ARNT2: variants seen among roughly 807,000 people sequenced by gnomAD.
The protein encoded by ARNT2 is aryl hydrocarbon receptor nuclear translocator 2.
In ARNT2, 36 loss-of-function variants were observed where a neutral mutation model predicts 91.7. The observed-to-expected ratio is 0.39, with a 90% CI of 0.30 to 0.52. The LOEUF is 0.52. Ranked by LOEUF, ARNT2 falls within the 20% of genes least tolerant of loss-of-function variation. The pLI is 0.72. For synonymous variants in ARNT2, 365 were observed against 347.1 expected (o/e 1.05, Z -0.57); for missense variants, 775 against 939.3 (o/e 0.83, Z 2.29).
intron 17 of ARNT2, among the ~76,000 whole-genome samples, chr15:80,586,840 CAA>C (rs10679933): frequency 2.0e-4 from 23 of 113,010 alleles, no homozygotes; most frequent in Middle Eastern, 5.0e-3. Context: ...GACTCCATTT[CAA>C]AAAAAAAAAA....
chr15:80,445,892 C>A (rs11631556), intron 1 of ARNT2, among the ~76,000 whole-genome samples: 53,119 of 151,936 alleles, frequency 0.35, 9,997 homozygotes, highest in East Asian at 0.56. Context: ...TCTGCCCCCT[C>A]TGCCCCTCTG....
intron 1 of ARNT2, among the ~76,000 whole-genome samples, chr15:80,431,081 C>A (rs182918895): frequency 6.6e-6 from 1 of 152,146 alleles, no homozygotes; most frequent in African/African-American, 2.4e-5. Context: ...CAATGGACAC[C>A]GCTCAGGTAC....
chr15:80,591,509 G>A lies in ARNT2; in HGVS notation c.1919-59G>A. 1.9e-6 allele frequency: 3 copies of A among 1,602,668 alleles called. No individual in the cohort carries two copies. The highest frequency in any genetic ancestry group is 2.6e-6 in the Non-Finnish European group (3 of 1,171,202). On this transcript the variant is annotated intron_variant, in intron 17 of 18. Coordinates refer to ENST00000303329, the MANE Select transcript of ARNT2 (RefSeq NM_014862.4). The surrounding 1 kb of genome is among the most constrained non-coding windows in gnomAD (Gnocchi z 5.1). ...GCCCTCCAGCCGCAGTGGTTCTTAG[G>A]TCTCACAGAACCACGGGATGGCTTT...
chr15:80,510,187 A>C (rs149481265), intron 6 of ARNT2, among the ~76,000 whole-genome samples: 53 of 152,256 alleles, frequency 3.5e-4, no homozygotes, highest in African/African-American at 1.3e-3. Flanking sequence ...AAAAGAGAGA[A>C]GTCAAAGGTT....
intron 1 of ARNT2, among the ~76,000 whole-genome samples, chr15:80,424,780 A>AG (rs1382677138): frequency 2.6e-5 from 4 of 151,380 alleles, no homozygotes; most frequent in African/African-American, 7.3e-5. Context: ...CAGCCCTCAA[A>AG]AAAAAAAAAT....
chr15:80,485,014 CAATGACAT>C (rs1896946776), intron 5 of ARNT2, among the ~76,000 whole-genome samples: 2 of 152,328 alleles, frequency 1.3e-5, no homozygotes, highest in Admixed American at 1.3e-4. Flanking sequence ...AGCAGGCATT[CAATGACAT>C]ATGGGATAGT....
chr15:80,492,514 T>A (rs1476422219), intron 5 of ARNT2, among the ~76,000 whole-genome samples: 2 of 152,228 alleles, frequency 1.3e-5, no homozygotes, highest in African/African-American at 4.8e-5. Flanking sequence ...TCAGTCTGGC[T>A]CCTGTTACTT....
intron 12 of ARNT2, among the ~76,000 whole-genome samples, chr15:80,570,236 G>T (rs563603411): frequency 1.3e-5 from 2 of 152,084 alleles, no homozygotes; most frequent in Non-Finnish European, 1.5e-5. Flanking sequence ...TAGCCATGTC[G>T]CCCTGGATGC....
At chr15:80,419,112 A>G (rs1232682444) in intron 1 of ARNT2, among the ~76,000 whole-genome samples, 1 of 152,076 alleles carries the variant, frequency 6.6e-6, no homozygotes, top group East Asian at 1.9e-4. Context: ...GGCGTGGTCA[A>G]ATAGGTACCT....
At chr15:80,527,814 C>T (rs1438839241) in intron 8 of ARNT2, among the ~76,000 whole-genome samples, 1 of 152,158 alleles carries the variant, frequency 6.6e-6, no homozygotes, top group East Asian at 1.9e-4. Flanking sequence ...GGGAGAGAGA[C>T]ACTGTGTTGA....
At chr15:80,562,005 C>A (rs550448221) in intron 11 of ARNT2, among the ~76,000 whole-genome samples, 2 of 152,096 alleles carry the variant, frequency 1.3e-5, no homozygotes, top group East Asian at 3.9e-4. Flanking sequence ...TTCCAAGCAT[C>A]CACTGGGGGT....
At chr15:80,491,498 G>C (rs1897055453) in intron 5 of ARNT2, among the ~76,000 whole-genome samples, 1 of 152,152 alleles carries the variant, frequency 6.6e-6, no homozygotes, top group Non-Finnish European at 1.5e-5. Flanking sequence ...AGATTTGAGT[G>C]GGGACACAGC....
intron 2 of ARNT2, among the ~76,000 whole-genome samples, chr15:80,457,280 G>T (rs1295129510): frequency 4.6e-5 from 7 of 152,200 alleles, no homozygotes; most frequent in Non-Finnish European, 1.5e-5. Context: ...AAGCACAGCT[G>T]ATTTGAGTAG....
chr15:80,526,451 CT>C (rs1897641961), intron 8 of ARNT2, among the ~76,000 whole-genome samples: 1 of 152,232 alleles, frequency 6.6e-6, no homozygotes, highest in East Asian at 1.9e-4. Flanking sequence ...AGCCAAATGT[CT>C]TTTCTACAAC....
At chr15:80,577,994 C>T (rs563326207) in intron 15 of ARNT2, among the ~76,000 whole-genome samples, 1 of 152,338 alleles carries the variant, frequency 6.6e-6, no homozygotes, top group Admixed American at 6.5e-5. Context: ...GGTCACGCTG[C>T]TCTGCTGAGC....
At chr15:80,471,225 C>A (rs183141273) in intron 4 of ARNT2, among the ~76,000 whole-genome samples, 91 of 152,290 alleles carry the variant, frequency 6.0e-4, no homozygotes, top group Admixed American at 2.3e-3. Flanking sequence ...ATGTCCTTTG[C>A]AGGAACATGG....
rs756065357 is a variant in ARNT2 at position 80,552,649 on chromosome 15, T to A, written c.964T>A (p.Ser322Thr). 7 of 1,613,930 alleles carry A rather than the reference T, an allele frequency of 4.3e-6. No individual in the cohort carries two copies. In the Middle Eastern group the frequency reaches 6.6e-4, roughly 152 times the overall value. The change falls in exon 10 of 19, where the codon TCT becomes ACT. Residue 322 changes from serine to threonine, a missense_variant. Physicochemically the swap from Ser to Thr is moderately conservative, Grantham distance 58. This residue lies in a region of ARNT2 where 285 missense variants were observed against 327.2 expected (regional missense o/e 0.87). Transcript: ENST00000303329. ...VAIGRLQVTS[S>T]PVCMDMNGMS... ...ATTTTCCCCATCCCAGGTGACCAGC[T>A]CTCCTGTATGCATGGACATGAATGG...
At position 80,467,558 on chromosome 15, in the gene ARNT2, C is replaced by T. The variant is rs115542738; in HGVS notation, c.195-2660C>T. On this transcript the variant is annotated intron_variant, in intron 3 of 18. Coordinates refer to ENST00000303329, the MANE Select transcript of ARNT2 (RefSeq NM_014862.4). ...AAAGCCGGTTCTCCAGGGTGTCTGG[C>T]GGGCAAGTGCGGGGCGGTGGCGTGC... Among the ~76,000 whole-genome samples the T allele has an allele frequency of 3.1e-3, 469 of 152,268 alleles. 1 individual carries two copies. Among genetic ancestry groups the T allele is most frequent in the African/African-American group, 0.011 (450 of 41,552 alleles).
At chr15:80,504,953 C>T (rs974671625) in intron 5 of ARNT2, among the ~76,000 whole-genome samples, 1 of 151,994 alleles carries the variant, frequency 6.6e-6, no homozygotes, top group Non-Finnish European at 1.5e-5. Context: ...GAGAGGAGGG[C>T]AGGGGCCGGA....
Sources: gnomAD v4.1 joint callset for allele counts (sites outside exome capture counted in the v4.1 genomes callset) on GRCh38, gnomAD v4.1.1 for gene constraint, gnomAD v4.1.1 regional missense constraint, Gnocchi (gnomAD v3.1) non-coding constraint, MANE v1.5 for transcripts, NCBI Gene and HGNC (gene_info 2026-07-23, HGNC 2026-07-21) for gene names.